Variants in GPN1 observed in about 807,000 individuals in gnomAD.
GPN1 encodes ATP(GTP)-binding protein.
Under a neutral mutation model 55.9 loss-of-function variants are expected in GPN1, and 44 were observed. That is an observed-to-expected ratio of 0.79 (90% CI 0.62 to 1.01). The LOEUF (loss-of-function observed/expected upper bound fraction) is 1.01, where lower values mean the gene tolerates loss of function less well. Among genes scored for constraint, GPN1 ranks in the 50% least tolerant of loss-of-function variants. The pLI, the probability that GPN1 is intolerant of heterozygous loss-of-function variation, is 0.00. For missense variants in GPN1, 466 were observed against 462.8 expected (o/e 1.01, Z -0.06); for synonymous variants, 179 against 162.5 (o/e 1.10, Z -0.77).
At chr2:27,641,218 T>C in intron 10 of GPN1, 22 bp from the exon 11 acceptor site, 1 of 1,575,162 alleles carries the variant, frequency 6.3e-7, no homozygotes, top group Non-Finnish European at 8.7e-7. Flanking sequence ...CAAAGGAATT[T>C]AGAAAGTGTT....
rs552093758 is a variant in GPN1, at chr2:27,635,691, C to G, written c.524+457C>G. Reference sequence around the variant, plus strand: ...AAATTAGCCAGCGTGGTGGCACGCCCTTGTAGTCCCAGCTACTTGGGAGGC... The same window carrying G: ...AAATTAGCCAGCGTGGTGGCACGCCGTTGTAGTCCCAGCTACTTGGGAGGC... On this transcript the variant is annotated intron_variant, in intron 7 of 13. Transcript: ENST00000610189. Among the ~76,000 whole-genome samples the G allele has an allele frequency of 1.0e-3, 153 of 152,258 alleles. No homozygotes were observed. The South Asian group carries it at 0.015, about 15-fold the overall frequency.
At chr2:27,629,607 A>G (rs1032066454) in intron 1 of GPN1, among the ~76,000 whole-genome samples, 1 of 152,182 alleles carries the variant, frequency 6.6e-6, no homozygotes, top group East Asian at 1.9e-4. Context: ...AATGGAGGAG[A>G]TAGAGAAAAC....
At position 27,650,478 on chromosome 2, in the gene GPN1, A is replaced by T. The variant is rs1674473866; in HGVS notation, c.*278A>T. 1 of 200,444 alleles carries T rather than the reference A, an allele frequency of 5.0e-6. No homozygotes were observed. The highest frequency in any genetic ancestry group is 1.1e-4 in the East Asian group (1 of 9,004). The allele number at this position is 200,444 out of a possible 1,614,324, so 12.4% of individuals were successfully genotyped here. The stretch of plus-strand genomic sequence containing the variant: ...GATACTCTTCCAAGCCTACAACTTC[A>T]AGTTTTATCATTTGAACTCAAGTAC... On this transcript the variant is annotated 3_prime_UTR_variant, in exon 14 of 14. Coordinates refer to ENST00000610189, the MANE Select transcript of GPN1 (RefSeq NM_007266.4).
intron 12 of GPN1, among the ~76,000 whole-genome samples, chr2:27,644,322 A>G (rs1674109920): frequency 6.6e-6 from 1 of 152,226 alleles, no homozygotes; most frequent in African/African-American, 2.4e-5. Flanking sequence ...ATCCATTGAT[A>G]TAATAGGAAT....
Position 27,635,179 on chromosome 2 carries a change from A to G in GPN1, c.469A>G (p.Thr157Ala). The change falls in exon 7 of 14, where the codon ACA becomes GCA. Residue 157 changes from threonine (T) to alanine (A), a missense_variant. Coordinates refer to ENST00000610189, the MANE Select transcript of GPN1 (RefSeq NM_007266.4). Reference sequence around the variant, plus strand: ...AACAGTTGTCATCTATGTAATGGACACATCGAGAAGTACCAACCCAGTGAC... The same window carrying G: ...AACAGTTGTCATCTATGTAATGGACGCATCGAGAAGTACCAACCCAGTGAC... ...FPTVVIYVMD[T>A]SRSTNPVTFM... The G allele has an allele frequency of 2.5e-6, 4 of 1,606,554 alleles. No individual in the cohort carries two copies. The highest frequency in any genetic ancestry group is 3.4e-6 in the Non-Finnish European group (4 of 1,173,716).
chr2:27,632,899 G>A (rs1021173636), intron 5 of GPN1, among the ~76,000 whole-genome samples: 16 of 152,170 alleles, frequency 1.1e-4, no homozygotes, highest in Non-Finnish European at 2.4e-4. Flanking sequence ...CTTCTTAGGA[G>A]CTCTTTTGAG....
intron 7 of GPN1, 64 bp downstream of exon 7, chr2:27,635,298 C>CTT: frequency 4.5e-6 from 2 of 445,284 alleles, no homozygotes; most frequent in Non-Finnish European, 3.6e-6. Context: ...CTTCTTCTTC[C>CTT]TCTTTTTTTT....
At chr2:27,634,710 T>A (rs1673665967) in intron 5 of GPN1, 136 bp from the exon 6 acceptor site, 3 of 652,920 alleles carry the variant, frequency 4.6e-6, no homozygotes, top group Non-Finnish European at 8.5e-6. Context: ...TTAGGGCCAG[T>A]AGGAGGAAGT....
intron 6 of GPN1, 66 bp from the exon 7 acceptor site, chr2:27,635,074 G>T: frequency 9.2e-7 from 1 of 1,085,864 alleles, no homozygotes; most frequent in Non-Finnish European, 1.4e-6. Context: ...TAAGGATGGT[G>T]GAAAAAGAGT....
In GPN1 at chr2:27,631,974, T is replaced by C. The variant is rs1673573027; in HGVS notation, c.312+74T>C. 6 of 885,224 alleles carry C rather than the reference T, an allele frequency of 6.8e-6. No homozygotes were observed. The East Asian group carries it at 1.2e-4, about 18-fold the overall frequency. 54.8% of individuals were successfully genotyped at this position (885,224 alleles called of 1,614,324 possible). A position where few individuals can be genotyped will look rare whatever the true frequency, so the allele number is the denominator to read the frequency against. On this transcript the variant is annotated intron_variant, in intron 4 of 13. Coordinates refer to ENST00000610189, the MANE Select transcript of GPN1 (RefSeq NM_007266.4). ...TCTTAAATTCCTTAGCTTGATCACA[T>C]TGGTAAAGAAGAGCAGCAAACCTGA... is the stretch of plus-strand genomic sequence containing the variant.
intron 12 of GPN1, among the ~76,000 whole-genome samples, chr2:27,642,966 C>T (rs1469999080): frequency 3.0e-4 from 45 of 148,326 alleles, no homozygotes; most frequent in African/African-American, 7.1e-4. Context: ...TATACACACA[C>T]ACACACACAC....
intron 7 of GPN1, among the ~76,000 whole-genome samples, chr2:27,635,727 G>C (rs1190965631): frequency 6.6e-6 from 1 of 152,182 alleles, no homozygotes; most frequent in Non-Finnish European, 1.5e-5. Context: ...TGACGTGGGA[G>C]GATTGCTTGA....
chr2:27,633,172 A>G (rs1204104325), intron 5 of GPN1, among the ~76,000 whole-genome samples: 1 of 152,234 alleles, frequency 6.6e-6, no homozygotes, highest in Non-Finnish European at 1.5e-5. Flanking sequence ...CATGATATTT[A>G]TAAGATGAAA....
chr2:27,638,331 A>G, intron 8 of GPN1, 76 bp downstream of exon 8: 1 of 829,768 alleles, frequency 1.2e-6, no homozygotes, highest in East Asian at 2.5e-5. Context: ...GTGGGTGAGA[A>G]AGATTATTTC....
chr2:27,647,372 C>A (rs1336514654), intron 12 of GPN1, among the ~76,000 whole-genome samples: 1 of 152,148 alleles, frequency 6.6e-6, no homozygotes, highest in Non-Finnish European at 1.5e-5. Flanking sequence ...TTAAATAATA[C>A]CCTGGCTCCT....
chr2:27,644,637 C>T (rs532120594), intron 12 of GPN1, among the ~76,000 whole-genome samples: 35 of 145,818 alleles, frequency 2.4e-4, no homozygotes, highest in Admixed American at 1.2e-3. Flanking sequence ...GTATATAAGT[C>T]GGTGTTATTT....
chr2:27,644,721 G>GTTT, intron 12 of GPN1, among the ~76,000 whole-genome samples: 1 of 130,764 alleles, frequency 7.6e-6, no homozygotes, highest in African/African-American at 3.1e-5. Flanking sequence ...TTTTTTGGTA[G>GTTT]TGTTTTTTTT....
chr2:27,649,797 CTAT>C (rs1215442814), intron 13 of GPN1, among the ~76,000 whole-genome samples: 5 of 152,096 alleles, frequency 3.3e-5, no homozygotes, highest in Non-Finnish European at 7.4e-5. Flanking sequence ...TAGATTTTAG[CTAT>C]TATGAGTAAA....
rs1193547363 is a variant in GPN1 at position 27,650,098 on chromosome 2, C to G, written c.1040-17C>G. Reference sequence around the variant, plus strand: ...TAATGAAAGAGTTGAAAAAGAATTGCCCTTTTTTCCTTGCAGTTACAGAGG... The same window carrying G: ...TAATGAAAGAGTTGAAAAAGAATTGGCCTTTTTTCCTTGCAGTTACAGAGG... On this transcript the variant is annotated splice_polypyrimidine_tract_variant and intron_variant, in intron 13 of 13. Coordinates refer to ENST00000610189, the MANE Select transcript of GPN1 (RefSeq NM_007266.4). 13 of 1,436,428 alleles carry G rather than the reference C, an allele frequency of 9.1e-6. No individual in the cohort carries two copies. The highest frequency in any genetic ancestry group is 1.3e-5 in the Non-Finnish European group (13 of 1,018,396). 89.0% of individuals were successfully genotyped at this position (1,436,428 alleles called of 1,614,324 possible). A position where few individuals can be genotyped will look rare whatever the true frequency, so the allele number is the denominator to read the frequency against.
Sources: allele counts gnomAD v4.1 joint callset (sites outside exome capture counted in the v4.1 genomes callset), GRCh38; gene constraint gnomAD v4.1.1; transcripts MANE v1.5; gene names NCBI Gene and HGNC (gene_info 2026-07-23, HGNC 2026-07-21).